TRERF1: variants seen among roughly 807,000 people sequenced by gnomAD.
TRERF1 encodes the protein transcriptional regulating factor 1.
A neutral mutation model predicts 122.9 loss-of-function variants in TRERF1; 27 were observed. The ratio of observed to expected loss-of-function variants is 0.22; its 90% CI spans 0.16 to 0.30. TRERF1 has a LOEUF of 0.30. TRERF1 is among the 10% of genes least tolerant of loss of function. The probability of loss-of-function intolerance (pLI) is 1.00; values close to 1 mark genes in which losing one functional copy is unlikely to be tolerated. For missense variants in TRERF1, 1,248 were observed against 1,560.3 expected, an observed-to-expected ratio of 0.80 and a Z score of 3.37; for synonymous variants, 636 against 641.7, an observed-to-expected ratio of 0.99 and a Z score of 0.13.
At chr6:42,327,470 T>C (rs190604587) in intron 3 of TRERF1, among the ~76,000 whole-genome samples, 70 of 152,264 alleles carry the variant, frequency 4.6e-4, no homozygotes, top group Non-Finnish European at 8.8e-4. Flanking sequence ...ATGACTTCTG[T>C]ATCCCCAGAT....
chr6:42,249,370 C>G (rs564819527), intron 13 of TRERF1, among the ~76,000 whole-genome samples: 4 of 152,194 alleles, frequency 2.6e-5, no homozygotes, highest in Non-Finnish European at 5.9e-5. Context: ...GGCTCATTAC[C>G]TGATTTCTGG....
intron 2 of TRERF1, among the ~76,000 whole-genome samples, chr6:42,372,322 G>C (rs557705737): frequency 6.6e-6 from 1 of 152,286 alleles, no homozygotes; most frequent in African/African-American, 2.4e-5. Flanking sequence ...CAAGTAGAAA[G>C]CCAGTTCTCA....
intron 13 of TRERF1, among the ~76,000 whole-genome samples, chr6:42,250,229 AG>A (rs768317437): frequency 6.6e-6 from 1 of 152,188 alleles, no homozygotes; most frequent in Non-Finnish European, 1.5e-5. Flanking sequence ...CTTGGAGAGC[AG>A]ATTCCAAATC....
chr6:42,235,960 C>T (rs34262171), intron 16 of TRERF1, among the ~76,000 whole-genome samples: 8,775 of 152,294 alleles, frequency 0.058, 335 homozygotes, highest in East Asian at 0.1. Context: ...CTTGGAATCA[C>T]ACACTCCTGG....
At chr6:42,368,267 G>C (rs1162656556) in intron 2 of TRERF1, among the ~76,000 whole-genome samples, 1 of 152,000 alleles carries the variant, frequency 6.6e-6, no homozygotes. Context: ...ACTTGTCTCT[G>C]AGTCACCCTC....
intron 3 of TRERF1, among the ~76,000 whole-genome samples, chr6:42,304,785 C>G (rs1786868073): frequency 6.6e-6 from 1 of 152,202 alleles, no homozygotes; most frequent in Admixed American, 6.5e-5. Context: ...CAGTTGAGAA[C>G]TACCATTCTA....
chr6:42,434,006 G>C (rs534942029), intron 2 of TRERF1, among the ~76,000 whole-genome samples: 2 of 152,270 alleles, frequency 1.3e-5, no homozygotes, highest in East Asian at 3.9e-4. Context: ...TTAGGCAACA[G>C]AGTGAGCAAG....
At chr6:42,354,086 T>C (rs533927303) in intron 3 of TRERF1, among the ~76,000 whole-genome samples, 4 of 152,334 alleles carry the variant, frequency 2.6e-5, no homozygotes, top group African/African-American at 9.6e-5. Flanking sequence ...AGCTGGAATG[T>C]GGCCAGAGGC....
chr6:42,285,882 A>C (rs1412225164), intron 4 of TRERF1, among the ~76,000 whole-genome samples: 4 of 151,014 alleles, frequency 2.6e-5, no homozygotes, highest in African/African-American at 4.9e-5. Context: ...ACATTACCTG[A>C]CTTCAAACTA....
intron 3 of TRERF1, among the ~76,000 whole-genome samples, chr6:42,330,067 A>C (rs1437242842): frequency 6.6e-6 from 1 of 152,124 alleles, no homozygotes; most frequent in Non-Finnish European, 1.5e-5. Flanking sequence ...AAAACGAAAA[A>C]ATTAATTTCC....
chr6:42,405,530 C>T (rs1780040622), intron 2 of TRERF1, among the ~76,000 whole-genome samples: 2 of 152,158 alleles, frequency 1.3e-5, no homozygotes, highest in Admixed American at 6.5e-5. Flanking sequence ...TGCGGTGGCT[C>T]ACACCTGTAA....
chr6:42,341,171 G>C (rs16895600), intron 3 of TRERF1, among the ~76,000 whole-genome samples: 5,621 of 152,280 alleles, frequency 0.037, 267 homozygotes, highest in East Asian at 0.23. Flanking sequence ...CTCTAGGTTT[G>C]AACCCCGCTC....
chr6:42,338,818 C>T (rs1353312180), intron 3 of TRERF1, among the ~76,000 whole-genome samples: 1 of 152,190 alleles, frequency 6.6e-6, no homozygotes, highest in East Asian at 1.9e-4. Flanking sequence ...CTCTGCACTG[C>T]CCACACTCAG....
chr6:42,348,224 C>G (rs1768713521), intron 3 of TRERF1, among the ~76,000 whole-genome samples: 1 of 152,002 alleles, frequency 6.6e-6, no homozygotes, highest in Non-Finnish European at 1.5e-5. Context: ...CCCATACTTC[C>G]CTGGCTCTTT....
At position 42,243,117 on chromosome 6, in the gene TRERF1, G is replaced by T. The variant is rs561971381; in HGVS notation, c.2859+131C>A. 3.4e-5 allele frequency: 25 copies of T among 729,122 alleles called. No individual in the cohort carries two copies. In the African/African-American group the frequency reaches 4.0e-4, roughly 12 times the overall value. The allele number at this position is 729,122 out of a possible 1,614,324, so 45.2% of individuals were successfully genotyped here. On this transcript the variant is annotated intron_variant, in intron 15 of 17. Transcript: ENST00000372922. The stretch of plus-strand genomic sequence containing the variant: ...GGTAGGTCCTGAATCCTGCAGGAGA[G>T]CTGGGCTGTTGTCACCTCCTTCCTC...
chr6:42,418,122 T>G (rs1267644965), intron 2 of TRERF1, among the ~76,000 whole-genome samples: 3 of 151,964 alleles, frequency 2.0e-5, no homozygotes, highest in Non-Finnish European at 4.4e-5. Context: ...TTGTTAAAAC[T>G]GCAGATTCTG....
intron 15 of TRERF1, among the ~76,000 whole-genome samples, chr6:42,240,985 C>T (rs1221342894): frequency 5.3e-5 from 8 of 152,068 alleles, no homozygotes; most frequent in East Asian, 3.8e-4. Flanking sequence ...CTCCACCTCC[C>T]GGGTTCAGGC....
chr6:42,381,611 C>A (rs562794484), intron 2 of TRERF1, among the ~76,000 whole-genome samples: 1 of 151,860 alleles, frequency 6.6e-6, no homozygotes, highest in Non-Finnish European at 1.5e-5. Flanking sequence ...GCCCACCAGC[C>A]CAGCCGTGAT....
At chr6:42,394,911 C>T (rs1186847117) in intron 2 of TRERF1, among the ~76,000 whole-genome samples, 1 of 152,194 alleles carries the variant, frequency 6.6e-6, no homozygotes, top group Admixed American at 6.5e-5. Flanking sequence ...AAGCACCAAG[C>T]CAATCTTCTT....
Sources: allele counts gnomAD v4.1 joint callset (sites outside exome capture counted in the v4.1 genomes callset), GRCh38; gene constraint gnomAD v4.1.1; transcripts MANE v1.5; gene names NCBI Gene and HGNC (gene_info 2026-07-23, HGNC 2026-07-21).